The following DOK5 variants were observed in gnomAD, a reference collection of about 807,000 sequenced individuals.
The protein encoded by DOK5 is docking protein 5.
Under a neutral mutation model 43.3 loss-of-function variants are expected in DOK5, and 27 were observed. That is an observed-to-expected ratio of 0.62 (90% confidence interval 0.46 to 0.86). The LOEUF is 0.86. Ranked by LOEUF, DOK5 falls within the 40% of genes least tolerant of loss-of-function variation. The pLI, the probability that DOK5 is intolerant of heterozygous loss-of-function variation, is 0.00. For synonymous variants in DOK5, 146 were observed against 140.1 expected (o/e 1.04, Z -0.30); for missense variants, 373 against 392.9 (o/e 0.95, Z 0.43).
At position 54,650,294 on chromosome 20, in the gene DOK5, G is replaced by A. The variant is rs997851957; in HGVS notation, c.857-121G>A. The A allele has an allele frequency of 7.8e-5, 68 of 869,702 alleles. 1 individual carries two copies. The highest frequency in any genetic ancestry group is 7.8e-4 in the Admixed American group (32 of 41,060). The allele number at this position is 869,702 out of a possible 1,614,324, so 53.9% of individuals were successfully genotyped here. A position where few individuals can be genotyped will look rare whatever the true frequency, so the allele number is the denominator to read the frequency against. On this transcript the variant is annotated intron_variant, in intron 7 of 7. Transcript: ENST00000262593. ...TTACATATCATCCTGAGAGGCCTTT[G>A]GAAAAAATTCTGCCTTAAGTACATT...
Position 54,588,521 on chromosome 20 carries a change from G to A in DOK5, c.213G>A (p.Leu71=). The change falls in exon 3 of 8, where the codon TTG becomes TTA. Residue 71 remains leucine, a synonymous_variant. Coordinates refer to ENST00000262593, the MANE Select transcript of DOK5 (RefSeq NM_018431.5). ...ELNNVKNVAR[L]PKSTKKHAIG... Reference sequence around the variant, plus strand: ...ATAATGTGAAGAACGTAGCTCGATTGCCAAAAAGCACCAAGAAACATGCCA... The same window carrying A: ...ATAATGTGAAGAACGTAGCTCGATTACCAAAAAGCACCAAGAAACATGCCA... The A allele has an allele frequency of 1.2e-6, 2 of 1,614,070 alleles. No homozygotes were observed. The highest frequency in any genetic ancestry group is 1.7e-6 in the Non-Finnish European group (2 of 1,179,984).
At chr20:54,573,407 G>A (rs959014684) in intron 2 of DOK5, among the ~76,000 whole-genome samples, 3 of 152,110 alleles carry the variant, frequency 2.0e-5, no homozygotes, top group African/African-American at 7.2e-5. Context: ...ATAAAGTTAG[G>A]CGAGGCGCGG....
At position 54,529,242 on chromosome 20, in the gene DOK5, T is replaced by C. The variant is rs371161393; in HGVS notation, c.67-25691T>C. On this transcript the variant is annotated intron_variant, in intron 1 of 7. Transcript: ENST00000262593. Reference sequence around the variant, plus strand: ...ATTATAATAATAAGACTAAAATATATGGAATGCTTTCTTGAAGTAGTATAT... The same window carrying C: ...ATTATAATAATAAGACTAAAATATACGGAATGCTTTCTTGAAGTAGTATAT... Among the ~76,000 whole-genome samples, 15 of 152,336 alleles carry C rather than the reference T, an allele frequency of 9.8e-5. No individual in the cohort carries two copies. The East Asian group carries it at 2.5e-3, about 25-fold the overall frequency.
At chr20:54,574,960 G>T (rs536322649) in intron 2 of DOK5, among the ~76,000 whole-genome samples, 1 of 152,148 alleles carries the variant, frequency 6.6e-6, no homozygotes, top group Non-Finnish European at 1.5e-5. Context: ...TTCATGGAGG[G>T]ATTTTCTGGC....
intron 6 of DOK5, among the ~76,000 whole-genome samples, chr20:54,633,255 A>G (rs1361985699): frequency 6.6e-6 from 1 of 152,166 alleles, no homozygotes; most frequent in African/African-American, 2.4e-5. Flanking sequence ...TCATGTTTTC[A>G]AATATTATTT....
At chr20:54,647,929 T>G (rs944533724) in intron 7 of DOK5, among the ~76,000 whole-genome samples, 2 of 152,162 alleles carry the variant, frequency 1.3e-5, no homozygotes, top group African/African-American at 4.8e-5. Context: ...AATCTCAGAT[T>G]TCATCATTAC....
At chr20:54,491,741 C>A (rs745464853) in intron 1 of DOK5, among the ~76,000 whole-genome samples, 6 of 152,172 alleles carry the variant, frequency 3.9e-5, no homozygotes, top group Non-Finnish European at 8.8e-5. Context: ...AAGTGGGTCT[C>A]CGCAGCATCC....
chr20:54,478,812 A>G (rs1412527377), intron 1 of DOK5, among the ~76,000 whole-genome samples: 1 of 152,206 alleles, frequency 6.6e-6, no homozygotes, highest in African/African-American at 2.4e-5. Context: ...AAAGTCTAGA[A>G]CATTGATTCT....
intron 6 of DOK5, among the ~76,000 whole-genome samples, chr20:54,623,911 T>C (rs1408530560): frequency 1.3e-5 from 2 of 152,132 alleles, no homozygotes; most frequent in Non-Finnish European, 2.9e-5. Context: ...CAAACCAATA[T>C]GAGTTGGGCG....
At chr20:54,624,792 A>G (rs772674539) in intron 6 of DOK5, among the ~76,000 whole-genome samples, 2 of 152,192 alleles carry the variant, frequency 1.3e-5, no homozygotes, top group Non-Finnish European at 2.9e-5. Flanking sequence ...CCCCATGAAA[A>G]TAACCATTTG....
intron 5 of DOK5, among the ~76,000 whole-genome samples, chr20:54,593,424 A>C (rs946852163): frequency 2.0e-5 from 3 of 152,200 alleles, no homozygotes; most frequent in African/African-American, 4.8e-5. Context: ...AGTACCTAGA[A>C]ACAAGTTGGT....
intron 1 of DOK5, among the ~76,000 whole-genome samples, chr20:54,476,745 G>A (rs1981443743): frequency 6.6e-6 from 1 of 152,078 alleles, no homozygotes; most frequent in Non-Finnish European, 1.5e-5. Flanking sequence ...ATGAATCTTA[G>A]GGCACTTGGG....
At chr20:54,648,769 AG>A (rs1261412111) in intron 7 of DOK5, among the ~76,000 whole-genome samples, 2 of 152,176 alleles carry the variant, frequency 1.3e-5, no homozygotes. Context: ...TTTTCATTCA[AG>A]GGATTGCAAG....
At chr20:54,539,250 G>T (rs1984059680) in intron 1 of DOK5, among the ~76,000 whole-genome samples, 1 of 128,246 alleles carries the variant, frequency 7.8e-6, no homozygotes, top group South Asian at 2.6e-4. Context: ...CTGCACTCCA[G>T]CCTGGGCAAC....
At chr20:54,607,769 G>A (rs1201310771) in intron 5 of DOK5, among the ~76,000 whole-genome samples, 3 of 152,110 alleles carry the variant, frequency 2.0e-5, no homozygotes, top group Admixed American at 1.3e-4. Flanking sequence ...TGTAGTCCCA[G>A]CTACTCATGA....
At chr20:54,646,681 T>C (rs1327533820) in intron 7 of DOK5, among the ~76,000 whole-genome samples, 2 of 152,168 alleles carry the variant, frequency 1.3e-5, no homozygotes, top group Non-Finnish European at 2.9e-5. Context: ...AAAAAAAAAG[T>C]TTTATTCTTC....
chr20:54,617,085 C>G (rs539557378), intron 6 of DOK5, among the ~76,000 whole-genome samples: 62 of 152,148 alleles, frequency 4.1e-4, no homozygotes, highest in African/African-American at 1.5e-3. Flanking sequence ...CCACTGCGCC[C>G]AGCCAAGGAT....
chr20:54,543,225 TA>T (rs1378880604), intron 1 of DOK5, among the ~76,000 whole-genome samples: 2 of 149,256 alleles, frequency 1.3e-5, no homozygotes, highest in Non-Finnish European at 2.9e-5. Flanking sequence ...CGTTGAATAT[TA>T]TAACTAGTTC....
chr20:54,553,878 CAG>C (rs201335614), intron 1 of DOK5, among the ~76,000 whole-genome samples: 2,525 of 126,172 alleles, frequency 0.02, 88 homozygotes, highest in African/African-American at 0.076. Flanking sequence ...GCCTGGGTGA[CAG>C]AGCAAGACTC....
Sources: gnomAD v4.1 joint callset for allele counts (sites outside exome capture counted in the v4.1 genomes callset) on GRCh38, gnomAD v4.1.1 for gene constraint, MANE v1.5 for transcripts, NCBI Gene and HGNC (gene_info 2026-07-23, HGNC 2026-07-21) for gene names.